Variants in ZMAT4 observed in about 807,000 individuals in gnomAD.
The protein encoded by ZMAT4 is zinc finger matrin-type protein 4.
In ZMAT4, 17 loss-of-function variants were observed where a neutral mutation model predicts 28.7. The observed-to-expected ratio is 0.59, with a 90% CI of 0.41 to 0.89. The LOEUF is 0.89. ZMAT4 is among the 40% of genes least tolerant of loss of function. The pLI is 0.00. For missense variants in ZMAT4, 240 were observed against 283.8 expected (o/e 0.85, Z 1.11); for synonymous variants, 117 against 109.2 (o/e 1.07, Z -0.44).
chr8:40,595,029 T>C (rs1805040727), intron 5 of ZMAT4, among the ~76,000 whole-genome samples: 1 of 152,200 alleles, frequency 6.6e-6, no homozygotes, highest in African/African-American at 2.4e-5. Flanking sequence ...GTGATTGAGG[T>C]TATTAAATGG....
At chr8:40,540,935 C>T (rs890329878) in intron 6 of ZMAT4, among the ~76,000 whole-genome samples, 4 of 152,128 alleles carry the variant, frequency 2.6e-5, no homozygotes, top group Non-Finnish European at 5.9e-5. Context: ...ATGGCAGATG[C>T]AGTTCAATAT....
intron 3 of ZMAT4, among the ~76,000 whole-genome samples, chr8:40,728,632 AC>A (rs1811405510): frequency 1.3e-5 from 2 of 152,156 alleles, no homozygotes; most frequent in South Asian, 4.1e-4. Context: ...CTGGTTGAGA[AC>A]CACTGAGTTG....
chr8:40,617,155 T>G lies in ZMAT4; in HGVS notation c.578-35894A>C, dbSNP rs1384130550. 2.0e-5 allele frequency among the ~76,000 whole-genome samples: 3 copies of G among 152,176 alleles called. No individual in the cohort carries two copies. The East Asian group carries it at 5.8e-4, about 29-fold the overall frequency. On this transcript the variant is annotated intron_variant, in intron 5 of 6. Coordinates refer to ENST00000297737, the MANE Select transcript of ZMAT4 (RefSeq NM_024645.3). Reference sequence around the variant, plus strand: ...TCTTAAAGTAAAGTAAAGGATCATATTCTTTATATTATATATTGTTAACAA... The same window carrying G: ...TCTTAAAGTAAAGTAAAGGATCATAGTCTTTATATTATATATTGTTAACAA...
At chr8:40,790,462 A>C (rs1263607062) in intron 2 of ZMAT4, among the ~76,000 whole-genome samples, 1 of 152,204 alleles carries the variant, frequency 6.6e-6, no homozygotes, top group Non-Finnish European at 1.5e-5. Flanking sequence ...ACCCAGAATG[A>C]ATGCAGTGGT....
chr8:40,579,337 G>A (rs576876908), intron 6 of ZMAT4, among the ~76,000 whole-genome samples: 1 of 152,246 alleles, frequency 6.6e-6, no homozygotes, highest in Admixed American at 6.5e-5. Flanking sequence ...CTGCACATCA[G>A]ATACAGGTTA....
intron 3 of ZMAT4, among the ~76,000 whole-genome samples, chr8:40,736,553 G>T (rs1811769936): frequency 6.6e-6 from 1 of 152,168 alleles, no homozygotes; most frequent in Admixed American, 6.5e-5. Context: ...CATCATGGCT[G>T]CCCAGAAGGC....
intron 2 of ZMAT4, among the ~76,000 whole-genome samples, chr8:40,811,509 C>T (rs965224642): frequency 1.1e-4 from 16 of 152,152 alleles, no homozygotes; most frequent in African/African-American, 3.6e-4. Flanking sequence ...CGGAAGCCAA[C>T]GTAGTGGATT....
chr8:40,749,373 C>T lies in ZMAT4; in HGVS notation c.192+18268G>A, dbSNP rs752523808. 7.2e-4 allele frequency among the ~76,000 whole-genome samples: 110 copies of T among 152,230 alleles called. 1 individual carries two copies. Among genetic ancestry groups the T allele is most frequent in the Admixed American group, 1.3e-3 (20 of 15,302 alleles). ...AAAATTTTTAGATGAAGAAACTAAACCTAATAAAAATTAAGGAAATTGACT... is the reference window on the plus strand; with the variant it reads ...AAAATTTTTAGATGAAGAAACTAAATCTAATAAAAATTAAGGAAATTGACT... On this transcript the variant is annotated intron_variant, in intron 3 of 6. Transcript: ENST00000297737.
Position 40,797,029 on chromosome 8 carries a change from C to T in ZMAT4, c.102+28546G>A, listed in dbSNP as rs546123907. On this transcript the variant is annotated intron_variant, in intron 2 of 6. Transcript: ENST00000297737. ...CTGGTTAGCTTTCCAGACTCACTCC[C>T]CTCACTCTGTGCTCCAGCAAAGCTA... is the stretch of plus-strand genomic sequence containing the variant. 2.0e-5 allele frequency among the ~76,000 whole-genome samples: 3 copies of T among 152,318 alleles called. No individual in the cohort carries two copies. In the East Asian group the frequency reaches 5.8e-4, roughly 29 times the overall value.
intron 2 of ZMAT4, among the ~76,000 whole-genome samples, chr8:40,797,076 A>T (rs1274126194): frequency 6.6e-6 from 1 of 152,022 alleles, no homozygotes; most frequent in Non-Finnish European, 1.5e-5. Flanking sequence ...ATTTCCATGC[A>T]CTCAGAGCTC....
chr8:40,845,736 T>A (rs1816863636), intron 1 of ZMAT4, among the ~76,000 whole-genome samples: 1 of 143,550 alleles, frequency 7.0e-6, no homozygotes, highest in South Asian at 2.2e-4. Context: ...AAGCCTGCTA[T>A]GAAATGTTTC....
At position 40,532,126 on chromosome 8, in the gene ZMAT4, T is replaced by C; in HGVS notation, c.*97A>G. 2 of 1,152,882 alleles carry C rather than the reference T, an allele frequency of 1.7e-6. No individual in the cohort carries two copies. The highest frequency in any genetic ancestry group is 2.1e-5 in the South Asian group (1 of 48,078). The allele number at this position is 1,152,882 out of a possible 1,614,324, so 71.4% of individuals were successfully genotyped here. On this transcript the variant is annotated 3_prime_UTR_variant, in exon 7 of 7. Transcript: ENST00000297737. The stretch of plus-strand genomic sequence containing the variant: ...TGTGAATCCTTATAAGAAATGTTTA[T>C]TGTTCAAGAAAGAAGCCTCCTCTGG...
Position 40,813,364 on chromosome 8 carries a change from G to A in ZMAT4, c.102+12211C>T, listed in dbSNP as rs959585086. ...AGAAGAAGAAATTAAAATCAGGAAG[G>A]GTAAAGTGATTTAGCTAAGGCTGTT... On this transcript the variant is annotated intron_variant, in intron 2 of 6. Coordinates refer to ENST00000297737, the MANE Select transcript of ZMAT4 (RefSeq NM_024645.3). Among the ~76,000 whole-genome samples the A allele has an allele frequency of 3.3e-5, 5 of 152,288 alleles. No homozygotes were observed. In the East Asian group the frequency reaches 9.6e-4, roughly 29 times the overall value.
chr8:40,796,763 C>A (rs1249307050), intron 2 of ZMAT4, among the ~76,000 whole-genome samples: 3 of 152,220 alleles, frequency 2.0e-5, no homozygotes, highest in Non-Finnish European at 4.4e-5. Context: ...CAGATCTAGT[C>A]TGGAATTCTT....
At chr8:40,574,716 T>C (rs1804205224) in intron 6 of ZMAT4, among the ~76,000 whole-genome samples, 1 of 152,164 alleles carries the variant, frequency 6.6e-6, no homozygotes, top group Admixed American at 6.5e-5. Context: ...GTCTTCTCCA[T>C]CACGTTTGAC....
chr8:40,565,762 T>C (rs914179841), intron 6 of ZMAT4, among the ~76,000 whole-genome samples: 3 of 151,258 alleles, frequency 2.0e-5, no homozygotes, highest in Non-Finnish European at 3.0e-5. Context: ...GGCTACCTTT[T>C]TTTTTTTTTT....
At chr8:40,646,997 G>T in intron 5 of ZMAT4, among the ~76,000 whole-genome samples, 1 of 152,162 alleles carries the variant, frequency 6.6e-6, no homozygotes, top group East Asian at 1.9e-4. Context: ...AATCAGATAA[G>T]TATATTCTTT....
chr8:40,677,964 G>A (rs919600415), intron 4 of ZMAT4, among the ~76,000 whole-genome samples: 16 of 152,212 alleles, frequency 1.1e-4, no homozygotes, highest in African/African-American at 3.4e-4. Flanking sequence ...AAGTTTCTGT[G>A]TCCAGACTGT....
intron 3 of ZMAT4, among the ~76,000 whole-genome samples, chr8:40,712,509 C>T (rs1810668695): frequency 6.6e-6 from 1 of 152,222 alleles, no homozygotes; most frequent in Non-Finnish European, 1.5e-5. Context: ...AAATAAAACA[C>T]ACATTGTTTC....
Sources: gnomAD v4.1 joint callset for allele counts (sites outside exome capture counted in the v4.1 genomes callset) on GRCh38, gnomAD v4.1.1 for gene constraint, MANE v1.5 for transcripts, NCBI Gene and HGNC (gene_info 2026-07-23, HGNC 2026-07-21) for gene names.